Variants in SLC4A4 observed in about 807,000 individuals in gnomAD.
SLC4A4 encodes solute carrier family 4 member 4.
A neutral mutation model predicts 111.5 loss-of-function variants in SLC4A4; 27 were observed. The observed-to-expected ratio is 0.24, with a 90% confidence interval of 0.18 to 0.33. SLC4A4 has a LOEUF of 0.33. SLC4A4 is among the 10% of genes least tolerant of loss of function. The probability of loss-of-function intolerance (pLI) is 1.00; values close to 1 mark genes in which losing one functional copy is unlikely to be tolerated. For missense variants in SLC4A4, 909 were observed against 1,315.5 expected (o/e 0.69, Z 4.78); for synonymous variants, 443 against 463.4 (o/e 0.96, Z 0.57).
At chr4:71,162,953 T>A (rs1165568688) in intron 2 of SLC4A4, among the ~76,000 whole-genome samples, 1 of 152,206 alleles carries the variant, frequency 6.6e-6, no homozygotes, top group Non-Finnish European at 1.5e-5. Context: ...AAAATTGTAC[T>A]ATGGTTCGTC....
At chr4:71,562,006 G>A (rs10030337) in intron 23 of SLC4A4, among the ~76,000 whole-genome samples, 1,561 of 151,846 alleles carry the variant, frequency 0.01, 24 homozygotes, top group African/African-American at 0.036. Context: ...TGTTTTAAAT[G>A]TACTGCTCTC....
At chr4:71,079,035 T>C (rs148157130) in intron 1 of SLC4A4, among the ~76,000 whole-genome samples, 37 of 152,282 alleles carry the variant, frequency 2.4e-4, no homozygotes, top group African/African-American at 8.7e-4. Context: ...GTCAGACTAG[T>C]CTCAAACTCC....
chr4:71,546,505 ACAAC>A lies in SLC4A4; in HGVS notation c.2602_2605del (p.Pro868SerfsTer3). ...AGACAGAGACTTCTGCACCTGGAGAACAACCAAAGTTTCTAGGAGTGAGGTGTGT... is the reference window on the plus strand; with the variant it reads ...AGACAGAGACTTCTGCACCTGGAGAACAAAGTTTCTAGGAGTGAGGTGTGT... On this transcript the variant is annotated frameshift_variant, in exon 19 of 26. Transcript: ENST00000264485. LOFTEE classifies it high-confidence loss of function. 2 of 1,612,492 alleles carry A rather than the reference ACAAC, an allele frequency of 1.2e-6. No individual in the cohort carries two copies. Among genetic ancestry groups the A allele is most frequent in the Non-Finnish European group, 1.7e-6 (2 of 1,178,984 alleles).
chr4:71,367,038 T>C (rs182011485), intron 6 of SLC4A4, among the ~76,000 whole-genome samples: 3 of 152,344 alleles, frequency 2.0e-5, no homozygotes, highest in Admixed American at 1.3e-4. Flanking sequence ...CCAGGTTCTT[T>C]GCTGGCGAGT....
chr4:71,157,958 A>G (rs1217292944), intron 2 of SLC4A4, among the ~76,000 whole-genome samples: 1 of 152,182 alleles, frequency 6.6e-6, no homozygotes, highest in Non-Finnish European at 1.5e-5. Context: ...CAGACTATCA[A>G]ATGATGAAAA....
At chr4:71,254,731 C>G (rs892118983) in intron 2 of SLC4A4, among the ~76,000 whole-genome samples, 3 of 151,980 alleles carry the variant, frequency 2.0e-5, no homozygotes, top group South Asian at 2.1e-4. Context: ...TTTATTTTTG[C>G]AGCGCCAGCA....
At chr4:71,262,656 G>T (rs1182531877) in intron 3 of SLC4A4, among the ~76,000 whole-genome samples, 1 of 152,070 alleles carries the variant, frequency 6.6e-6, no homozygotes, top group Non-Finnish European at 1.5e-5. Flanking sequence ...TCAGCGTTAA[G>T]TTCATCCTTG....
chr4:71,417,259 G>A (rs1396418577), intron 7 of SLC4A4, among the ~76,000 whole-genome samples: 1 of 152,158 alleles, frequency 6.6e-6, no homozygotes, highest in Non-Finnish European at 1.5e-5. Context: ...AGTCTGATAA[G>A]AGTCACAGCC....
chr4:71,312,408 C>T (rs1441039567), intron 3 of SLC4A4, among the ~76,000 whole-genome samples: 1 of 152,158 alleles, frequency 6.6e-6, no homozygotes, highest in Non-Finnish European at 1.5e-5. Context: ...GGGACTCCTC[C>T]CTAACTCATT....
At chr4:71,199,348 C>T (rs1746147351) in intron 1 of SLC4A4, among the ~76,000 whole-genome samples, 1 of 152,202 alleles carries the variant, frequency 6.6e-6, no homozygotes, top group Non-Finnish European at 1.5e-5. Flanking sequence ...CACCTTGCTA[C>T]TGATAACATG....
At chr4:71,311,939 G>C (rs933991430) in intron 3 of SLC4A4, among the ~76,000 whole-genome samples, 3 of 149,952 alleles carry the variant, frequency 2.0e-5, no homozygotes, top group African/African-American at 7.4e-5. Flanking sequence ...GAGAGAAGGA[G>C]ATAGAGACAC....
intron 3 of SLC4A4, among the ~76,000 whole-genome samples, chr4:71,289,639 T>A (rs1168742805): frequency 6.6e-6 from 1 of 151,986 alleles, no homozygotes; most frequent in East Asian, 1.9e-4. Flanking sequence ...GCCAAAGATA[T>A]GGGGCTGGCT....
At chr4:71,513,083 T>G (rs1732073353) in intron 16 of SLC4A4, among the ~76,000 whole-genome samples, 1 of 152,318 alleles carries the variant, frequency 6.6e-6, no homozygotes, top group South Asian at 2.1e-4. Flanking sequence ...AGCTTTGTTC[T>G]TTTTGCTGCT....
chr4:71,150,536 C>G (rs1236889701), intron 2 of SLC4A4, among the ~76,000 whole-genome samples: 1 of 152,038 alleles, frequency 6.6e-6, no homozygotes, highest in Non-Finnish European at 1.5e-5. Flanking sequence ...AATGCGTTAC[C>G]TAAATGGAAA....
At chr4:71,431,126 A>G (rs555266594) in intron 7 of SLC4A4, among the ~76,000 whole-genome samples, 1 of 152,312 alleles carries the variant, frequency 6.6e-6, no homozygotes, top group East Asian at 1.9e-4. Context: ...ACTGAACAAA[A>G]TAAATGAATA....
Position 71,450,552 on chromosome 4 carries a change from T to C in SLC4A4, c.1208+9T>C, listed in dbSNP as rs372298376. 1.2e-6 allele frequency: 2 copies of C among 1,612,168 alleles called. No individual in the cohort carries two copies. Among genetic ancestry groups the C allele is most frequent in the African/African-American group, 1.3e-5 (1 of 74,830 alleles). ...CCATCCTCTGACAAAAGGTAAATTA[T>C]AGGCAGTTGATAATTTTCAGTAGCT... On this transcript the variant is annotated intron_variant, in intron 10 of 25. Transcript: ENST00000264485.
chr4:71,202,744 C>T (rs1375904011), intron 1 of SLC4A4, among the ~76,000 whole-genome samples: 3 of 151,988 alleles, frequency 2.0e-5, no homozygotes, highest in Non-Finnish European at 2.9e-5. Context: ...TAGAAATGAA[C>T]CATGGAAAGT....
At chr4:71,147,066 A>C (rs1343017135) in intron 2 of SLC4A4, among the ~76,000 whole-genome samples, 1 of 152,120 alleles carries the variant, frequency 6.6e-6, no homozygotes, top group Non-Finnish European at 1.5e-5. Context: ...AATGGAAAAC[A>C]AAAAAAGGCA....
chr4:71,476,703 T>G (rs1728403539), intron 14 of SLC4A4, among the ~76,000 whole-genome samples: 1 of 151,718 alleles, frequency 6.6e-6, no homozygotes, highest in African/African-American at 2.4e-5. Context: ...CTAAATGCAC[T>G]TTTTTCTCCA....
Sources: allele counts gnomAD v4.1 joint callset (sites outside exome capture counted in the v4.1 genomes callset), GRCh38; gene constraint gnomAD v4.1.1; transcripts MANE v1.5; gene names NCBI Gene and HGNC (gene_info 2026-07-23, HGNC 2026-07-21).